Variants in DGKI observed in about 807,000 individuals in gnomAD.
DGKI encodes diacylglycerol kinase iota.
Under a neutral mutation model 147.5 loss-of-function variants are expected in DGKI, and 55 were observed. The ratio of observed to expected loss-of-function variants is 0.37; its 90% CI spans 0.30 to 0.47. DGKI has a LOEUF of 0.47. DGKI is among the 20% of genes least tolerant of loss of function. The pLI is 1.00. For synonymous variants in DGKI, 469 were observed against 477.1 expected, an observed-to-expected ratio of 0.98 and a Z score of 0.22; for missense variants, 1,007 against 1,323.8, an observed-to-expected ratio of 0.76 and a Z score of 3.71.
intron 20 of DGKI, among the ~76,000 whole-genome samples, chr7:137,540,787 A>AAAAAAAAAAAAAAAG (rs1817672283): frequency 7.1e-6 from 1 of 140,364 alleles, no homozygotes; most frequent in Non-Finnish European, 1.5e-5. Flanking sequence ...AAAAAAAAAA[A>AAAAAAAAAAAAAAAG]ACATTTACAA....
chr7:137,819,276 CCA>C (rs1009250808), intron 1 of DGKI, among the ~76,000 whole-genome samples: 10 of 151,954 alleles, frequency 6.6e-5, no homozygotes, highest in Non-Finnish European at 1.0e-4. Flanking sequence ...AGCTTTGTAC[CCA>C]CACAGAAAAT....
intron 1 of DGKI, among the ~76,000 whole-genome samples, chr7:137,829,587 G>A (rs764310737): frequency 2.0e-5 from 3 of 152,220 alleles, no homozygotes; most frequent in Non-Finnish European, 2.9e-5. Flanking sequence ...TGTGTGATTA[G>A]TGTAAAGAAG....
intron 21 of DGKI, among the ~76,000 whole-genome samples, chr7:137,515,017 C>T (rs1001465759): frequency 2.0e-5 from 3 of 152,166 alleles, no homozygotes; most frequent in African/African-American, 7.2e-5. Context: ...AAAGAACTTC[C>T]TGACTATCTC....
At chr7:137,598,365 T>C (rs1819872170) in intron 11 of DGKI, among the ~76,000 whole-genome samples, 1 of 152,184 alleles carries the variant, frequency 6.6e-6, no homozygotes, top group Non-Finnish European at 1.5e-5. Context: ...TAACTTATAC[T>C]TTCTACTCTT....
chr7:137,394,590 C>T (rs758174009), intron 32 of DGKI, among the ~76,000 whole-genome samples: 20 of 152,196 alleles, frequency 1.3e-4, no homozygotes, highest in Admixed American at 9.8e-4. Context: ...CTCAGTTCTC[C>T]TAAACAGAGT....
intron 27 of DGKI, among the ~76,000 whole-genome samples, chr7:137,458,778 T>C (rs1239625807): frequency 6.6e-6 from 1 of 152,222 alleles, no homozygotes; most frequent in Non-Finnish European, 1.5e-5. Flanking sequence ...TTCTGCCAAA[T>C]GAAATATAGT....
chr7:137,668,577 T>G (rs575890113), intron 3 of DGKI, among the ~76,000 whole-genome samples: 2 of 152,354 alleles, frequency 1.3e-5, no homozygotes, highest in African/African-American at 4.8e-5. Flanking sequence ...CAATCACTTA[T>G]CCTCAGTGTG....
chr7:137,501,566 A>G (rs1475983045), intron 21 of DGKI, among the ~76,000 whole-genome samples: 1 of 152,172 alleles, frequency 6.6e-6, no homozygotes, highest in Non-Finnish European at 1.5e-5. Context: ...CAAGTGAATT[A>G]TTTGTTGAAG....
chr7:137,638,240 C>G (rs575162926), intron 6 of DGKI, among the ~76,000 whole-genome samples: 36 of 151,744 alleles, frequency 2.4e-4, no homozygotes, highest in African/African-American at 8.7e-4. Flanking sequence ...GCTCTCTGGA[C>G]CTTTCTGTCC....
At chr7:137,469,716 G>T in intron 23 of DGKI, 97 bp from the exon 24 acceptor site, 2 of 1,022,316 alleles carry the variant, frequency 2.0e-6, no homozygotes, top group Non-Finnish European at 2.9e-6. Context: ...ACAAAGCACT[G>T]GTGAGAAGAG....
intron 1 of DGKI, among the ~76,000 whole-genome samples, chr7:137,795,936 C>T (rs777990524): frequency 6.6e-6 from 1 of 152,150 alleles, no homozygotes; most frequent in African/African-American, 2.4e-5. Flanking sequence ...ACAGACTTTA[C>T]AGAATTTTAA....
chr7:137,420,537 T>C (rs1303875944), intron 28 of DGKI, among the ~76,000 whole-genome samples: 1 of 152,032 alleles, frequency 6.6e-6, no homozygotes, highest in Non-Finnish European at 1.5e-5. Flanking sequence ...ATGCATACAA[T>C]GTCATCTGGT....
chr7:137,409,571 C>T (rs530664149), intron 29 of DGKI, among the ~76,000 whole-genome samples: 21 of 152,136 alleles, frequency 1.4e-4, no homozygotes, highest in Non-Finnish European at 2.6e-4. Context: ...AACTGGGGGG[C>T]AAGAGGGCAG....
At chr7:137,834,474 C>T (rs1798306470) in intron 1 of DGKI, among the ~76,000 whole-genome samples, 1 of 152,192 alleles carries the variant, frequency 6.6e-6, no homozygotes, top group African/African-American at 2.4e-5. Flanking sequence ...TTTGTGAATT[C>T]ATCCATGTAT....
chr7:137,404,740 C>A (rs544910435), intron 30 of DGKI, among the ~76,000 whole-genome samples: 1 of 152,220 alleles, frequency 6.6e-6, no homozygotes, highest in South Asian at 2.1e-4. Flanking sequence ...AACATCTAAC[C>A]AAAGCACTGG....
intron 6 of DGKI, among the ~76,000 whole-genome samples, chr7:137,629,532 G>A (rs1821057632): frequency 6.6e-6 from 1 of 152,230 alleles, no homozygotes; most frequent in Non-Finnish European, 1.5e-5. Flanking sequence ...TCCACCAGTG[G>A]AAGCAGATAA....
At chr7:137,835,414 C>T (rs933557036) in intron 1 of DGKI, among the ~76,000 whole-genome samples, 8 of 152,092 alleles carry the variant, frequency 5.3e-5, no homozygotes, top group Non-Finnish European at 1.0e-4. Context: ...AATCACTGAG[C>T]TACAGAAGCA....
intron 16 of DGKI, among the ~76,000 whole-genome samples, chr7:137,577,749 C>T (rs1386941341): frequency 1.3e-5 from 2 of 152,226 alleles, no homozygotes; most frequent in Admixed American, 6.5e-5. Context: ...ATTTTGGATG[C>T]CTTTTTTTCA....
chr7:137,469,614 A>G lies in DGKI; in HGVS notation c.2379T>C (p.His793=). 3 of 1,613,950 alleles carry G rather than the reference A, an allele frequency of 1.9e-6. No individual in the cohort carries two copies. The highest frequency in any genetic ancestry group is 2.5e-6 in the Non-Finnish European group (3 of 1,179,932). ...SGSQRVHYQD[H]ETSFPRALSA... ...AGAGAGCCCTGGGGAAGGAGGTTTCATGGTCCTGGAAAGAGACACACACAC... is the reference window on the plus strand; with the variant it reads ...AGAGAGCCCTGGGGAAGGAGGTTTCGTGGTCCTGGAAAGAGACACACACAC... Residue 793 remains histidine (H), a synonymous_variant, in exon 24 of 33, where the codon CAT becomes CAC. Transcript: ENST00000614521.
Sources: allele counts gnomAD v4.1 joint callset (sites outside exome capture counted in the v4.1 genomes callset), GRCh38; gene constraint gnomAD v4.1.1; transcripts MANE v1.5; gene names NCBI Gene and HGNC (gene_info 2026-07-23, HGNC 2026-07-21).